Variants in GRM8 observed in about 807,000 individuals in gnomAD.
The protein encoded by GRM8 is metabotropic glutamate receptor 8.
Under a neutral mutation model 87.2 loss-of-function variants are expected in GRM8, and 47 were observed. The ratio of observed to expected loss-of-function variants is 0.54; its 90% CI spans 0.43 to 0.69. The LOEUF (loss-of-function observed/expected upper bound fraction) is 0.69, where lower values mean the gene tolerates loss of function less well. Among genes scored for constraint, GRM8 ranks in the 30% least tolerant of loss-of-function variants. The pLI is 0.00. For synonymous variants in GRM8, 396 were observed against 404.5 expected (o/e 0.98, Z 0.25); for missense variants, 1,019 against 1,139.2 (o/e 0.89, Z 1.52).
intron 9 of GRM8, among the ~76,000 whole-genome samples, chr7:126,461,606 C>G (rs909569466): frequency 1.3e-5 from 2 of 151,674 alleles, no homozygotes; most frequent in Non-Finnish European, 1.5e-5. Context: ...TTGAAACTGT[C>G]TTAACATTCA....
intron 3 of GRM8, among the ~76,000 whole-genome samples, chr7:127,094,309 T>C (rs1291257113): frequency 6.6e-6 from 1 of 152,182 alleles, no homozygotes; most frequent in Non-Finnish European, 1.5e-5. Context: ...GCACACTTCC[T>C]GTCATGACTT....
intron 3 of GRM8, among the ~76,000 whole-genome samples, chr7:127,099,224 A>G (rs1206461610): frequency 1.3e-5 from 2 of 152,224 alleles, no homozygotes; most frequent in Non-Finnish European, 2.9e-5. Context: ...GAATTAAAAC[A>G]AGACAGAAAT....
intron 3 of GRM8, among the ~76,000 whole-genome samples, chr7:127,104,277 A>T (rs1554593154): frequency 6.6e-6 from 1 of 151,958 alleles, no homozygotes; most frequent in Non-Finnish European, 1.5e-5. Flanking sequence ...GTTTTTTTTT[A>T]AAAACACACT....
At chr7:126,482,445 A>C (rs1806804683) in intron 9 of GRM8, among the ~76,000 whole-genome samples, 1 of 152,010 alleles carries the variant, frequency 6.6e-6, no homozygotes, top group African/African-American at 2.4e-5. Context: ...TGTGGTATAA[A>C]CATACTATGG....
At chr7:126,937,024 T>C (rs1399947580) in intron 3 of GRM8, among the ~76,000 whole-genome samples, 1 of 152,196 alleles carries the variant, frequency 6.6e-6, no homozygotes, top group Non-Finnish European at 1.5e-5. Flanking sequence ...AGGACAGAGA[T>C]ACAGATATTG....
At chr7:126,902,876 C>T (rs1563299356) in intron 5 of GRM8, among the ~76,000 whole-genome samples, 197 bp from the exon 6 acceptor site, 1 of 152,130 alleles carries the variant, frequency 6.6e-6, no homozygotes, top group Non-Finnish European at 1.5e-5. Flanking sequence ...GACAATCCCC[C>T]CACACCACCA....
At chr7:126,724,233 G>GTATTTCCC (rs1812725502) in intron 7 of GRM8, among the ~76,000 whole-genome samples, 1 of 152,162 alleles carries the variant, frequency 6.6e-6, no homozygotes, top group Non-Finnish European at 1.5e-5. Context: ...GCAGGCAGCT[G>GTATTTCCC]TATTTCCCAG....
At chr7:126,574,904 T>C (rs563354699) in intron 8 of GRM8, among the ~76,000 whole-genome samples, 2 of 152,302 alleles carry the variant, frequency 1.3e-5, no homozygotes, top group African/African-American at 4.8e-5. Flanking sequence ...TGATGAATAC[T>C]GACTCTATTA....
chr7:126,833,823 T>C (rs551662636), intron 6 of GRM8, among the ~76,000 whole-genome samples: 22 of 152,294 alleles, frequency 1.4e-4, no homozygotes, highest in Non-Finnish European at 2.8e-4. Flanking sequence ...TAAGAACCAC[T>C]TGGGGAGATT....
At chr7:126,990,160 G>A (rs1413199417) in intron 3 of GRM8, among the ~76,000 whole-genome samples, 1 of 151,996 alleles carries the variant, frequency 6.6e-6, no homozygotes, top group Admixed American at 6.6e-5. Context: ...ACTGTTGTTT[G>A]GCCAACCATA....
At chr7:126,716,733 C>T (rs1811788557) in intron 7 of GRM8, among the ~76,000 whole-genome samples, 1 of 152,094 alleles carries the variant, frequency 6.6e-6, no homozygotes, top group South Asian at 2.1e-4. Flanking sequence ...TCTCTCTACT[C>T]TCATGTATGA....
At chr7:127,032,028 A>G (rs935776015) in intron 3 of GRM8, among the ~76,000 whole-genome samples, 3 of 152,156 alleles carry the variant, frequency 2.0e-5, no homozygotes, top group Non-Finnish European at 1.5e-5. Flanking sequence ...TAGCTCTTCT[A>G]GAAAGAAAAA....
At chr7:126,986,556 T>C (rs1812092530) in intron 3 of GRM8, among the ~76,000 whole-genome samples, 1 of 152,238 alleles carries the variant, frequency 6.6e-6, no homozygotes, top group African/African-American at 2.4e-5. Context: ...TGAGAAGCTA[T>C]GCACTTTTAT....
At chr7:126,483,823 G>C (rs1226160775) in intron 9 of GRM8, among the ~76,000 whole-genome samples, 1 of 119,064 alleles carries the variant, frequency 8.4e-6, no homozygotes, top group Admixed American at 1.1e-4. Context: ...ACATTAAAGA[G>C]ATTTTATGAT....
chr7:127,008,010 A>C (rs1011916331), intron 3 of GRM8, among the ~76,000 whole-genome samples: 2 of 151,936 alleles, frequency 1.3e-5, no homozygotes, highest in African/African-American at 4.8e-5. Flanking sequence ...CACCCACACT[A>C]CTTGTCAGGA....
intron 6 of GRM8, among the ~76,000 whole-genome samples, chr7:126,783,377 T>C (rs1409999963): frequency 6.6e-6 from 1 of 152,170 alleles, no homozygotes; most frequent in East Asian, 1.9e-4. Flanking sequence ...TCTTTTTGCT[T>C]TAATATTCTG....
intron 9 of GRM8, among the ~76,000 whole-genome samples, chr7:126,477,627 GAAAGAAAGAAAA>G (rs1563051412): frequency 7.6e-6 from 1 of 131,466 alleles, no homozygotes; most frequent in East Asian, 2.2e-4. Flanking sequence ...AAGAAAGAAA[GAAAGAAAGAAAA>G]AACGAAAGAG....
chr7:126,449,550 AGAG>A lies in GRM8; in HGVS notation c.2431-3181_2431-3179del, dbSNP rs563817326. ...ACACTTATTCAAACCAGTTTTGTTT[AGAG>A]AAGAGCTGATAGCCAGGCTCTGACT... On this transcript the variant is annotated intron_variant, in intron 9 of 10. Coordinates refer to ENST00000339582, the MANE Select transcript of GRM8 (RefSeq NM_000845.3). Among the ~76,000 whole-genome samples, 7 of 152,020 alleles carry A rather than the reference AGAG, an allele frequency of 4.6e-5. No individual in the cohort carries two copies. The South Asian group carries it at 1.5e-3, about 32-fold the overall frequency.
intron 7 of GRM8, among the ~76,000 whole-genome samples, chr7:126,719,473 T>C (rs974019665): frequency 1.2e-4 from 19 of 152,326 alleles, no homozygotes; most frequent in Middle Eastern, 6.8e-3. Context: ...TCAGGTATTG[T>C]ACTAAAAGGA....
Sources: allele counts gnomAD v4.1 joint callset (sites outside exome capture counted in the v4.1 genomes callset), GRCh38; gene constraint gnomAD v4.1.1; transcripts MANE v1.5; gene names NCBI Gene and HGNC (gene_info 2026-07-23, HGNC 2026-07-21).